Variants in CEP41 observed in about 807,000 individuals in gnomAD.
The protein encoded by CEP41 is centrosomal protein 41, also known as centrosomal protein of 41 kDa.
Under a neutral mutation model 44.3 loss-of-function variants are expected in CEP41, and 32 were observed. That is an observed-to-expected ratio of 0.72 (90% CI 0.54 to 0.97). CEP41 has a LOEUF of 0.97. Among genes scored for constraint, CEP41 ranks in the 50% least tolerant of loss-of-function variants. The pLI is 0.00. For synonymous variants in CEP41, 151 were observed against 168.5 expected (o/e 0.90, Z 0.80); for missense variants, 432 against 455.2 (o/e 0.95, Z 0.46).
intron 3 of CEP41, among the ~76,000 whole-genome samples, chr7:130,415,056 G>A (rs2117619614): frequency 6.6e-6 from 1 of 152,306 alleles, no homozygotes; most frequent in Middle Eastern, 3.4e-3. Flanking sequence ...AATGGGCTTT[G>A]TAAATTGTCA....
chr7:130,422,974 T>TCTCG (rs1437160483), intron 2 of CEP41, among the ~76,000 whole-genome samples: 21 of 152,142 alleles, frequency 1.4e-4, no homozygotes, highest in African/African-American at 4.3e-4. Context: ...GGAGACGGAG[T>TCTCG]CTCGCTCTGT....
chr7:130,402,585 T>G, intron 7 of CEP41, 63 bp downstream of exon 7: 1 of 1,572,200 alleles, frequency 6.4e-7, no homozygotes, highest in East Asian at 2.2e-5. Flanking sequence ...CCAGCCTGCC[T>G]AGACTCAAGA....
chr7:130,409,788 G>A (rs1797119303), intron 5 of CEP41, among the ~76,000 whole-genome samples: 2 of 152,262 alleles, frequency 1.3e-5, no homozygotes, highest in South Asian at 2.1e-4. Flanking sequence ...ATTTAAGAAA[G>A]GAGAAATGGA....
intron 5 of CEP41, among the ~76,000 whole-genome samples, chr7:130,407,094 AAAG>A (rs1440676522): frequency 1.3e-5 from 2 of 152,058 alleles, no homozygotes; most frequent in African/African-American, 4.8e-5. Flanking sequence ...TAGAGGCCTT[AAAG>A]AAGACCTCAA....
rs782050975 is a variant in CEP41, at chr7:130,399,055, A to G, written c.974-16T>C. The G allele has an allele frequency of 1.2e-6, 2 of 1,613,278 alleles. No individual in the cohort carries two copies. The highest frequency in any genetic ancestry group is 1.7e-6 in the Non-Finnish European group (2 of 1,180,004). ...TTCAGTCGGCCTGAAGGGAGCAAGA[A>G]AGAAGGAACAGAGCTGCAAGAATGA... On this transcript the variant is annotated splice_polypyrimidine_tract_variant and intron_variant, in intron 10 of 10. Transcript: ENST00000223208.
chr7:130,399,233 C>T, intron 10 of CEP41, 194 bp from the exon 11 acceptor site: 1 of 662,548 alleles, frequency 1.5e-6, no homozygotes, highest in East Asian at 2.7e-5. Flanking sequence ...GGGAGGGGGA[C>T]AGAAATGAAG....
chr7:130,436,969 G>T (rs1029456760), intron 1 of CEP41, among the ~76,000 whole-genome samples: 19 of 152,156 alleles, frequency 1.2e-4, no homozygotes, highest in Non-Finnish European at 1.5e-5. Context: ...AACCTGGGAG[G>T]CGGAGGTTGT....
intron 2 of CEP41, chr7:130,419,716 A>AGGCCGAGGCGGGAGGAT (rs1797444083): frequency 1.0e-6 from 1 of 985,114 alleles, no homozygotes; most frequent in Admixed American, 6.2e-5. Context: ...CTAGCACTGG[A>AGGCCGAGGCGGGAGGAT]CACCAACTCA....
chr7:130,419,193 G>A (rs1235486420), intron 2 of CEP41: 1 of 985,290 alleles, frequency 1.0e-6, no homozygotes, highest in Non-Finnish European at 1.2e-6. Flanking sequence ...ACAAATATTT[G>A]GTGAAATTCA....
chr7:130,400,189 G>A lies in CEP41; in HGVS notation c.823C>T (p.Gln275Ter). The A allele has an allele frequency of 1.9e-6, 3 of 1,613,960 alleles. No individual in the cohort carries two copies. The highest frequency in any genetic ancestry group is 1.7e-6 in the Non-Finnish European group (2 of 1,179,920). ...LITGSLPASC[Q>*]QALPPGSARK... ...GCAGACCCAGGAGGAAGGGCCTGCT[G>A]GCAAGATGCTGGCAGGGAACCAGTA... The change falls in exon 10 of 11, where the codon CAG becomes TAG. Residue 275 changes from glutamine (Q) to a stop codon, truncating the protein, a stop_gained. Coordinates refer to ENST00000223208, the MANE Select transcript of CEP41 (RefSeq NM_018718.3). LOFTEE classifies it high-confidence loss of function.
At chr7:130,404,417 G>A in intron 6 of CEP41, 147 bp downstream of exon 6, 3 of 682,986 alleles carry the variant, frequency 4.4e-6, no homozygotes, top group Non-Finnish European at 7.8e-6. Context: ...TTTATATAAA[G>A]ATAAAGTAGA....
intron 4 of CEP41, among the ~76,000 whole-genome samples, chr7:130,411,628 T>C (rs1364193813): frequency 6.6e-6 from 1 of 152,210 alleles, no homozygotes; most frequent in African/African-American, 2.4e-5. Context: ...TATACTTCTA[T>C]ACAGTATTCA....
chr7:130,417,155 G>A, intron 2 of CEP41, 189 bp from the exon 3 acceptor site: 1 of 1,401,566 alleles, frequency 7.1e-7, no homozygotes, highest in Non-Finnish European at 9.3e-7. Context: ...AAGTTGCAGA[G>A]CCGAGGGAAA....
At chr7:130,427,115 A>C (rs928270191) in intron 2 of CEP41, 1 of 155,312 alleles carries the variant, frequency 6.4e-6, no homozygotes, top group East Asian at 1.9e-4. Flanking sequence ...CAAAATAAAC[A>C]AAATGATTTA....
intron 5 of CEP41, among the ~76,000 whole-genome samples, chr7:130,409,833 GCGCCTACTCGT>G (rs1797120735): frequency 6.6e-6 from 1 of 152,044 alleles, no homozygotes; most frequent in Admixed American, 6.6e-5. Context: ...CTCCTACCCA[GCGCCTACTCGT>G]CCCTTAGACC....
chr7:130,400,911 C>T lies in CEP41; in HGVS notation c.643-90G>A, dbSNP rs560652641. ...CCAAGGAATAAAAGGTCAGGTCCAC[C>T]TGTCTGAGTTCCCGGGAACGATGGA... is the stretch of plus-strand genomic sequence containing the variant. On this transcript the variant is annotated intron_variant, in intron 8 of 10. Coordinates refer to ENST00000223208, the MANE Select transcript of CEP41 (RefSeq NM_018718.3). 9 of 836,832 alleles carry T rather than the reference C, an allele frequency of 1.1e-5. No individual in the cohort carries two copies. In the South Asian group the frequency reaches 1.3e-4, roughly 12 times the overall value. The allele number at this position is 836,832 out of a possible 1,614,324, so 51.8% of individuals were successfully genotyped here. A position where few individuals can be genotyped will look rare whatever the true frequency, so the allele number is the denominator to read the frequency against.
rs1796799145 is a variant in CEP41 at position 130,400,153 on chromosome 7, A to C, written c.859T>G (p.Ser287Ala). The change falls in exon 10 of 11, where the codon TCC becomes GCC. Residue 287 changes from serine (S) to alanine (A), a missense_variant. By Grantham distance (99) the Ser-to-Ala change is moderately conservative (BLOSUM62 1). Transcript: ENST00000223208. ...GGTAGGGGTGGCCCTTTGGGGCTGG[A>C]TCGTTTCCGGGCAGACCCAGGAGGA... ...ALPPGSARKRSSPKGPPLPAE... is the reference protein window; with the variant it reads ...ALPPGSARKRASPKGPPLPAE... 6.2e-7 allele frequency: 1 copy of C among 1,613,680 alleles called. No homozygotes were observed. The highest frequency in any genetic ancestry group is 1.1e-5 in the South Asian group (1 of 91,076).
rs782392203 is a variant in CEP41, at chr7:130,397,944, G to C, written c.*947C>G. The C allele has an allele frequency of 2.2e-6, 1 of 454,400 alleles. No homozygotes were observed. The highest frequency in any genetic ancestry group is 2.0e-5 in the African/African-American group (1 of 49,996). The allele number at this position is 454,400 out of a possible 1,614,324, so 28.1% of individuals were successfully genotyped here. ...ACTGTATTTCTAAGCAAGGGCTTAC[G>C]AGGTTGTCAGCCCTGACAAAGGACT... is the stretch of plus-strand genomic sequence containing the variant. On this transcript the variant is annotated 3_prime_UTR_variant, in exon 11 of 11. Coordinates refer to ENST00000223208, the MANE Select transcript of CEP41 (RefSeq NM_018718.3).
At chr7:130,427,145 T>C (rs1207013218) in intron 2 of CEP41, among the ~76,000 whole-genome samples, 1 of 152,172 alleles carries the variant, frequency 6.6e-6, no homozygotes, top group Non-Finnish European at 1.5e-5. Context: ...AACATCGTCA[T>C]TTACTTTTCT....
Sources: allele counts gnomAD v4.1 joint callset (sites outside exome capture counted in the v4.1 genomes callset), GRCh38; gene constraint gnomAD v4.1.1; transcripts MANE v1.5; gene names NCBI Gene and HGNC (gene_info 2026-07-23, HGNC 2026-07-21).